SHOC2: variants seen among roughly 807,000 people sequenced by gnomAD.
SHOC2 encodes the protein leucine-rich repeat protein SHOC-2.
In SHOC2, 4 loss-of-function variants were observed where a neutral mutation model predicts 50.2. That is an observed-to-expected ratio of 0.08 (90% CI 0.04 to 0.18). The LOEUF (loss-of-function observed/expected upper bound fraction) is 0.18, where lower values mean the gene tolerates loss of function less well. Ranked by LOEUF, SHOC2 falls within the 10% of genes least tolerant of loss-of-function variation. SHOC2 has a pLI of 1.00. For missense variants in SHOC2, 388 were observed against 669.6 expected (o/e 0.58, Z 4.64); for synonymous variants, 218 against 244.5 (o/e 0.89, Z 1.01).
Position 110,985,737 on chromosome 10 carries a change from T to G in SHOC2, c.813T>G (p.Asn271Lys). ...TQITNLDLQH[N>K]ELLDLPDTIG... ...TAACCAACCTTGACTTGCAGCACAA[T>G]GAACTGCTAGACCTCCCAGATACTA... The change falls in exon 3 of 9, where the codon AAT becomes AAG. Residue 271 changes from asparagine to lysine, a missense_variant. Transcript: ENST00000369452. 1 of 1,613,170 alleles carries G rather than the reference T, an allele frequency of 6.2e-7. No individual in the cohort carries two copies. Among genetic ancestry groups the G allele is most frequent in the Non-Finnish European group, 8.5e-7 (1 of 1,179,648 alleles).
intron 2 of SHOC2, among the ~76,000 whole-genome samples, chr10:110,977,432 A>G (rs1168950196): frequency 6.6e-6 from 1 of 152,010 alleles, no homozygotes; most frequent in East Asian, 1.9e-4. Context: ...TTTAGTAGAG[A>G]TGGGGTTTCT....
chr10:110,964,707 T>C lies in SHOC2; in HGVS notation c.349T>C (p.Ser117Pro). 1 of 1,614,120 alleles carries C rather than the reference T, an allele frequency of 6.2e-7. No homozygotes were observed. Among genetic ancestry groups the C allele is most frequent in the South Asian group, 1.1e-5 (1 of 91,084 alleles). ...CAAGAGATCTATACACATATTGCCA[T>C]CATCAATCAAAGAGTTGACTCAATT... ...LSKRSIHILP[S>P]SIKELTQLTE... is the part of the protein sequence containing the mutation. The change falls in exon 2 of 9, where the codon TCA (serine) becomes CCA (proline). Residue 117 changes from serine to proline, a missense_variant. Coordinates refer to ENST00000369452, the MANE Select transcript of SHOC2 (RefSeq NM_007373.4). The surrounding 1 kb of genome is among the most constrained non-coding windows in gnomAD (Gnocchi z 4.9).
chr10:110,974,677 G>A (rs1321504686), intron 2 of SHOC2, among the ~76,000 whole-genome samples: 4 of 150,996 alleles, frequency 2.6e-5, no homozygotes, highest in African/African-American at 9.7e-5. Flanking sequence ...GTTTTTTTTA[G>A]TGTTTCCTCT....
chr10:111,008,568 C>T (rs1848511353), intron 6 of SHOC2, among the ~76,000 whole-genome samples: 1 of 152,008 alleles, frequency 6.6e-6, no homozygotes, highest in Admixed American at 6.6e-5. Context: ...ATAATGCATT[C>T]AGTACAGTGC....
At chr10:110,990,149 C>CG (rs938020809) in intron 3 of SHOC2, among the ~76,000 whole-genome samples, 35 of 152,262 alleles carry the variant, frequency 2.3e-4, no homozygotes, top group Non-Finnish European at 5.0e-4. Flanking sequence ...GGAAGGCGAG[C>CG]GCATGGCGCG....
At chr10:110,948,287 A>C (rs1847286291) in intron 1 of SHOC2, among the ~76,000 whole-genome samples, 1 of 152,224 alleles carries the variant, frequency 6.6e-6, no homozygotes, top group Non-Finnish European at 1.5e-5. Context: ...ATAGTAATAT[A>C]ATAATAGGGA....
chr10:110,949,449 C>G (rs1189713305), intron 1 of SHOC2, among the ~76,000 whole-genome samples: 1 of 152,010 alleles, frequency 6.6e-6, no homozygotes, highest in African/African-American at 2.4e-5. Context: ...TAATCAAGAA[C>G]CTCCCAAAAA....
chr10:110,936,826 G>C, intron 1 of SHOC2: 2 of 1,284,020 alleles, frequency 1.6e-6, no homozygotes, highest in Non-Finnish European at 1.1e-6. Context: ...GCCCCAGATA[G>C]GCAAACTTTC....
intron 1 of SHOC2, among the ~76,000 whole-genome samples, chr10:110,937,710 C>T (rs988495945): frequency 6.6e-6 from 1 of 152,054 alleles, no homozygotes; most frequent in Non-Finnish European, 1.5e-5. Context: ...TTTCCGAAAG[C>T]CAAAAATAGT....
In SHOC2 at chr10:111,007,483, CTT is replaced by C. The variant is rs752360594; in HGVS notation, c.1162-46_1162-45del. ...TCCGAAGTGACAGGTATATATAGAA[CTT>C]TGTTTTTGTGATTCTACCTTGGATG... On this transcript the variant is annotated intron_variant, in intron 5 of 8. Coordinates refer to ENST00000369452, the MANE Select transcript of SHOC2 (RefSeq NM_007373.4). The C allele has an allele frequency of 4.2e-5, 67 of 1,606,952 alleles. No individual in the cohort carries two copies. The East Asian group carries it at 1.3e-3, about 31-fold the overall frequency.
At chr10:110,961,770 A>G (rs191493489) in intron 1 of SHOC2, among the ~76,000 whole-genome samples, 58 of 152,288 alleles carry the variant, frequency 3.8e-4, no homozygotes, top group African/African-American at 1.1e-3. Flanking sequence ...TTAGATTTCA[A>G]TGGGAACTTT....
rs1010032840 is a variant in SHOC2, at chr10:111,012,441, A to T, written c.*623A>T. The T allele has an allele frequency of 6.6e-6, 1 of 152,218 alleles. No individual in the cohort carries two copies. The highest frequency in any genetic ancestry group is 2.4e-5 in the African/African-American group (1 of 41,466). 9.4% of individuals were successfully genotyped at this position (152,218 alleles called of 1,614,324 possible). On this transcript the variant is annotated 3_prime_UTR_variant, in exon 9 of 9. Coordinates refer to ENST00000369452, the MANE Select transcript of SHOC2 (RefSeq NM_007373.4). ...AAAGGTATTTGCTTGTTGAAAAAAA[A>T]AACTGGCAAAGTGAAAAGATACAGT...
At chr10:111,006,310 T>G (rs1354536584) in intron 5 of SHOC2, among the ~76,000 whole-genome samples, 1 of 152,218 alleles carries the variant, frequency 6.6e-6, no homozygotes, top group East Asian at 1.9e-4. Context: ...TACTTGGGAT[T>G]TCTTTTATGG....
intron 2 of SHOC2, among the ~76,000 whole-genome samples, chr10:110,967,188 C>T (rs1847692477): frequency 6.6e-6 from 1 of 152,120 alleles, no homozygotes; most frequent in African/African-American, 2.4e-5. Context: ...GTATTTTCCC[C>T]ATGCTACTGA....
intron 8 of SHOC2, 149 bp from the exon 9 acceptor site, chr10:111,011,461 T>G (rs1848564113): frequency 1.6e-6 from 1 of 636,622 alleles, no homozygotes. Flanking sequence ...AAATTTGAGA[T>G]CCATGGTTGT....
At position 110,982,011 on chromosome 10, in the gene SHOC2, C is replaced by T. The variant is rs1340289613; in HGVS notation, c.704-3617C>T. ...CCGATGCTATCCCTCCCCCCTCCCC[C>T]CACCCCACAACAGTCCCCAGAGTGT... On this transcript the variant is annotated intron_variant, in intron 2 of 8. Transcript: ENST00000369452. 8.9e-5 allele frequency among the ~76,000 whole-genome samples: 10 copies of T among 112,872 alleles called. No homozygotes were observed. The East Asian group carries it at 2.4e-3, about 28-fold the overall frequency. The allele number at this position is 112,872 out of a possible 152,430, so 74.0% of individuals were successfully genotyped here. A position where few individuals can be genotyped will look rare whatever the true frequency, so the allele number is the denominator to read the frequency against.
Position 110,964,727 on chromosome 10 carries a change from T to C in SHOC2, c.369T>C (p.Thr123=). The C allele has an allele frequency of 6.2e-7, 1 of 1,614,124 alleles. No homozygotes were observed. Among genetic ancestry groups the C allele is most frequent in the Non-Finnish European group, 8.5e-7 (1 of 1,179,966 alleles). Residue 123 remains threonine (T), a synonymous_variant, in exon 2 of 9, where the codon ACT becomes ACC. Transcript: ENST00000369452. The surrounding 1 kb of genome is among the most constrained non-coding windows in gnomAD (Gnocchi z 4.9). Reference sequence around the variant, plus strand: ...TGCCATCATCAATCAAAGAGTTGACTCAATTAACAGAACTTTATTTATACA... The same window carrying C: ...TGCCATCATCAATCAAAGAGTTGACCCAATTAACAGAACTTTATTTATACA... ...HILPSSIKEL[T]QLTELYLYSN...
chr10:111,001,513 A>G (rs1848374714), intron 4 of SHOC2, among the ~76,000 whole-genome samples: 1 of 152,114 alleles, frequency 6.6e-6, no homozygotes, highest in Non-Finnish European at 1.5e-5. Context: ...TTTACTATTG[A>G]CTTTCTTTTC....
At chr10:111,011,517 A>G in intron 8 of SHOC2, 93 bp from the exon 9 acceptor site, 2 of 800,796 alleles carry the variant, frequency 2.5e-6, no homozygotes, top group South Asian at 3.0e-5. Flanking sequence ...ATGTGTGTTC[A>G]GTATATGTAA....
Sources: gnomAD v4.1 joint callset for allele counts (sites outside exome capture counted in the v4.1 genomes callset) on GRCh38, gnomAD v4.1.1 for gene constraint, Gnocchi (gnomAD v3.1) non-coding constraint, MANE v1.5 for transcripts, NCBI Gene and HGNC (gene_info 2026-07-23, HGNC 2026-07-21) for gene names.